URB2: variants seen among roughly 807,000 people sequenced by gnomAD.
URB2 encodes the protein unhealthy ribosome biogenesis protein 2 homolog.
Under a neutral mutation model 120.9 loss-of-function variants are expected in URB2, and 86 were observed. That is an observed-to-expected ratio of 0.71 (90% CI 0.60 to 0.85). URB2 has a LOEUF of 0.85. Ranked by LOEUF, URB2 falls within the 40% of genes least tolerant of loss-of-function variation. The probability of loss-of-function intolerance (pLI) is 0.00; values close to 1 mark genes in which losing one functional copy is unlikely to be tolerated. For missense variants in URB2, 1,765 were observed against 1,836.5 expected (o/e 0.96, Z 0.71); for synonymous variants, 755 against 758.4 (o/e 1.00, Z 0.07).
chr1:229,626,686 C>T (rs960088666), intron 1 of URB2, among the ~76,000 whole-genome samples: 1 of 152,224 alleles, frequency 6.6e-6, no homozygotes, highest in Admixed American at 6.5e-5. Flanking sequence ...GTTGGAGGCC[C>T]GGAGAGCCGA....
intron 4 of URB2, 138 bp downstream of exon 4, chr1:229,638,385 C>T: frequency 2.0e-6 from 2 of 979,390 alleles, no homozygotes; most frequent in Non-Finnish European, 2.9e-6. Flanking sequence ...GTGGCTTACA[C>T]CTGTAATCCC....
intron 6 of URB2, among the ~76,000 whole-genome samples, chr1:229,646,230 A>G (rs951457356): frequency 6.6e-6 from 1 of 152,218 alleles, no homozygotes; most frequent in Non-Finnish European, 1.5e-5. Flanking sequence ...GGCAGTAAGA[A>G]GAGGGATGTA....
chr1:229,652,825 C>A (rs1183932051), intron 8 of URB2, among the ~76,000 whole-genome samples: 1 of 152,220 alleles, frequency 6.6e-6, no homozygotes, highest in Non-Finnish European at 1.5e-5. Context: ...ACAGGCATGT[C>A]CTTTGTCATG....
At position 229,635,833 on chromosome 1, in the gene URB2, C is replaced by T; in HGVS notation, c.1220C>T (p.Ala407Val). Residue 407 changes from alanine to valine, a missense_variant, in exon 4 of 10, where the codon GCC becomes GTC. Transcript: ENST00000258243. The stretch of plus-strand genomic sequence containing the variant: ...AACCATGCACAAGCACCCATACCGG[C>T]CTGGTTCCGCTGTCTGAAGACTTTG... ...LINHAQAPIPAWFRCLKTLIS... is the reference protein window; with the variant it reads ...LINHAQAPIPVWFRCLKTLIS... 6.2e-7 allele frequency: 1 copy of T among 1,614,116 alleles called. No individual in the cohort carries two copies. The highest frequency in any genetic ancestry group is 8.5e-7 in the Non-Finnish European group (1 of 1,179,972).
chr1:229,645,578 C>A (rs1666120752), intron 5 of URB2, among the ~76,000 whole-genome samples: 1 of 152,174 alleles, frequency 6.6e-6, no homozygotes, highest in Non-Finnish European at 1.5e-5. Flanking sequence ...AATTCACTGT[C>A]CTGGCCGATT....
chr1:229,643,017 AAAG>A (rs1368415829), intron 4 of URB2, among the ~76,000 whole-genome samples: 1 of 152,248 alleles, frequency 6.6e-6, no homozygotes, highest in African/African-American at 2.4e-5. Flanking sequence ...AAGCTAGAGA[AAAG>A]AAGATGTTAT....
At chr1:229,630,133 A>G (rs766027528) in intron 2 of URB2, among the ~76,000 whole-genome samples, 1 of 152,176 alleles carries the variant, frequency 6.6e-6, no homozygotes, top group Non-Finnish European at 1.5e-5. Flanking sequence ...TAATGTTGAT[A>G]TTTTGACCTC....
At chr1:229,629,538 T>C (rs1468215497) in intron 2 of URB2, among the ~76,000 whole-genome samples, 2 of 152,238 alleles carry the variant, frequency 1.3e-5, no homozygotes, top group Non-Finnish European at 2.9e-5. Flanking sequence ...TGTGGTTTGT[T>C]AAGAATGCAA....
chr1:229,637,269 C>T lies in URB2; in HGVS notation c.2656C>T (p.Leu886=). 2 of 1,614,166 alleles carry T rather than the reference C, an allele frequency of 1.2e-6. No homozygotes were observed. Among genetic ancestry groups the T allele is most frequent in the South Asian group, 1.1e-5 (1 of 91,064 alleles). Residue 886 remains leucine, a synonymous_variant, in exon 4 of 10, where the codon CTG becomes TTG. Transcript: ENST00000258243. ...SLVKSDFPIQ[L]EGEQLESILG... ...GGTCAAGAGTGACTTCCCTATCCAG[C>T]TGGAGGGAGAGCAGTTGGAAAGCAT... is the stretch of plus-strand genomic sequence containing the variant.
At chr1:229,654,978 T>C (rs1489215028) in intron 9 of URB2, among the ~76,000 whole-genome samples, 1 of 152,180 alleles carries the variant, frequency 6.6e-6, no homozygotes, top group East Asian at 1.9e-4. Context: ...GGAGCTCTCA[T>C]AGGACCAGGC....
chr1:229,636,860 T>C lies in URB2; in HGVS notation c.2247T>C (p.Ile749=), dbSNP rs528769721. ...ACTTGATTGTGTCAAATCTCACAAT[T>C]TTAATATCCTATCTGTGTCCAGATG... ...HWHLIVSNLT[I]LISYLCPDDV... The change falls in exon 4 of 10, where the codon ATT becomes ATC. Residue 749 remains isoleucine, a synonymous_variant. Coordinates refer to ENST00000258243, the MANE Select transcript of URB2 (RefSeq NM_014777.4). 3.4e-5 allele frequency: 54 copies of C among 1,611,198 alleles called. No individual in the cohort carries two copies. The South Asian group carries it at 5.5e-4, about 16-fold the overall frequency.
At chr1:229,632,933 A>G (rs1665708953) in intron 3 of URB2, among the ~76,000 whole-genome samples, 1 of 152,154 alleles carries the variant, frequency 6.6e-6, no homozygotes, top group South Asian at 2.1e-4. Flanking sequence ...CTCAGATCAG[A>G]AGTAGGAACT....
chr1:229,657,904 A>G (rs1666442349), intron 9 of URB2, among the ~76,000 whole-genome samples: 1 of 152,180 alleles, frequency 6.6e-6, no homozygotes, highest in African/African-American at 2.4e-5. Context: ...CTCATTAGAA[A>G]CTGTGTTTGC....
At chr1:229,629,830 G>A (rs946560210) in intron 2 of URB2, among the ~76,000 whole-genome samples, 2 of 152,194 alleles carry the variant, frequency 1.3e-5, no homozygotes, top group African/African-American at 4.8e-5. Flanking sequence ...CTCAAAACCT[G>A]CCACTGCTTT....
intron 9 of URB2, among the ~76,000 whole-genome samples, chr1:229,654,623 G>C (rs141427377): frequency 1.3e-5 from 2 of 152,242 alleles, no homozygotes; most frequent in African/African-American, 4.8e-5. Context: ...CTCCCAAGTA[G>C]CTAGGACTAC....
At chr1:229,641,230 C>T (rs1666004983) in intron 4 of URB2, among the ~76,000 whole-genome samples, 1 of 152,088 alleles carries the variant, frequency 6.6e-6, no homozygotes, top group African/African-American at 2.4e-5. Context: ...CCAGGCTGGT[C>T]TCGAACTCCT....
intron 7 of URB2, chr1:229,650,888 T>C (rs1666252078): frequency 6.1e-6 from 1 of 162,712 alleles, no homozygotes; most frequent in South Asian, 1.8e-4. Flanking sequence ...GTTCCTATTA[T>C]TGTTTGTTTC....
chr1:229,648,946 T>G (rs1666211127), intron 7 of URB2, among the ~76,000 whole-genome samples: 1 of 152,222 alleles, frequency 6.6e-6, no homozygotes, highest in East Asian at 1.9e-4. Context: ...GCCTGTTGCT[T>G]CTGGGCTAGA....
At position 229,654,257 on chromosome 1, in the gene URB2, G is replaced by C. The variant is rs145601598; in HGVS notation, c.4246G>C (p.Asp1416His). ...CACTTTGTTGTCTGTAGGAAGCATA[G>C]ATGACCTGCCTACGGTCCTAAAGTG... ...EGRQKDKGSI[D>H]DLPTVLKCAR... The change falls in exon 9 of 10, where the codon GAT becomes CAT. Residue 1416 changes from aspartate (D) to histidine (H), a missense_variant. By Grantham distance (81) the Asp-to-His change is moderately conservative. Transcript: ENST00000258243. The C allele has an allele frequency of 3.1e-6, 5 of 1,613,900 alleles. No homozygotes were observed. The highest frequency in any genetic ancestry group is 4.2e-6 in the Non-Finnish European group (5 of 1,179,936).
Sources: allele counts gnomAD v4.1 joint callset (sites outside exome capture counted in the v4.1 genomes callset), GRCh38; gene constraint gnomAD v4.1.1; transcripts MANE v1.5; gene names NCBI Gene and HGNC (gene_info 2026-07-23, HGNC 2026-07-21).